Variants in ATP2C2 observed in about 807,000 individuals in gnomAD.
ATP2C2 encodes ATPase secretory pathway Ca2+ transporting 2, also known as calcium-transporting ATPase type 2C member 2.
A neutral mutation model predicts 110.8 loss-of-function variants in ATP2C2; 171 were observed. The observed-to-expected ratio is 1.54, with a 90% CI of 1.36 to 1.75. The LOEUF (loss-of-function observed/expected upper bound fraction) is 1.75. ATP2C2 is among the 40% of genes most tolerant of loss of function. The probability of loss-of-function intolerance (pLI) is 0.00; values close to 1 mark genes in which losing one functional copy is unlikely to be tolerated. For synonymous variants in ATP2C2, 804 were observed against 508.4 expected (o/e 1.58, Z -7.82); for missense variants, 1,963 against 1,235.0 (o/e 1.59, Z -8.84).
Position 84,402,146 on chromosome 16 carries a change from G to A in ATP2C2, c.211-2982G>A, listed in dbSNP as rs186855368. Among the ~76,000 whole-genome samples, 6 of 152,168 alleles carry A rather than the reference G, an allele frequency of 3.9e-5. No individual in the cohort carries two copies. The East Asian group carries it at 1.2e-3, about 29-fold the overall frequency. ...TTGCTTTCTCTTAGCATATAGCAAT[G>A]CTACTGATCTTTATCATTTGAGTTT... On this transcript the variant is annotated intron_variant, in intron 2 of 26. Transcript: ENST00000262429.
intron 16 of ATP2C2, among the ~76,000 whole-genome samples, 179 bp from the exon 17 acceptor site, chr16:84,448,354 A>G (rs755167285): frequency 6.6e-6 from 1 of 152,186 alleles, no homozygotes; most frequent in Non-Finnish European, 1.5e-5. Flanking sequence ...CGTTCCATGG[A>G]TGGATTCTAG....
At chr16:84,407,592 T>G (rs1905889172) in intron 3 of ATP2C2, 3 of 152,192 alleles carry the variant, frequency 2.0e-5, no homozygotes, top group African/African-American at 7.2e-5. Flanking sequence ...TGCCTTAGCC[T>G]TCTGAGTAGT....
rs1473627842 is a variant in ATP2C2, at chr16:84,410,710, A to G, written c.460A>G (p.Arg154Gly). The G allele has an allele frequency of 6.2e-7, 1 of 1,614,080 alleles. No homozygotes were observed. Among genetic ancestry groups the G allele is most frequent in the Admixed American group, 1.7e-5 (1 of 60,004 alleles). ...CTGATGTGCTTCCTGCCAGGAGTAC[A>G]GGTCGGAGAAATCTCTGGAAGAGCT... ...VVTVAFIQEY[R>G]SEKSLEELTK... is the part of the protein sequence containing the mutation. Residue 154 changes from arginine (R) to glycine (G), a missense_variant, in exon 6 of 27, where the codon AGG becomes GGG. Physicochemically the swap from Arg to Gly is moderately radical, Grantham distance 125 (BLOSUM62 -2). Coordinates refer to ENST00000262429, the MANE Select transcript of ATP2C2 (RefSeq NM_014861.4).
chr16:84,397,144 C>T lies in ATP2C2; in HGVS notation c.100-1355C>T, dbSNP rs529715174. ...GGAATGGTTTTGCAAAAATACCTCA[C>T]ACTTTTCCGCTTCTGAGGTCTCCTT... On this transcript the variant is annotated intron_variant, in intron 1 of 26. Coordinates refer to ENST00000262429, the MANE Select transcript of ATP2C2 (RefSeq NM_014861.4). 1.3e-3 allele frequency among the ~76,000 whole-genome samples: 198 copies of T among 151,932 alleles called. 1 individual carries two copies. The highest frequency in any genetic ancestry group is 4.6e-3 in the African/African-American group (190 of 41,232).
intron 26 of ATP2C2, 173 bp downstream of exon 26, chr16:84,462,302 G>C: frequency 1.2e-6 from 1 of 831,050 alleles, no homozygotes; most frequent in Non-Finnish European, 1.8e-6. Flanking sequence ...CTCTAACGTG[G>C]GTGATGTGAC....
chr16:84,376,763 A>G (rs1205308947), intron 1 of ATP2C2, among the ~76,000 whole-genome samples: 1 of 152,208 alleles, frequency 6.6e-6, no homozygotes, highest in Non-Finnish European at 1.5e-5. Flanking sequence ...AAATTTCCAC[A>G]TACACATTCA....
At position 84,445,422 on chromosome 16, in the gene ATP2C2, A is replaced by G. The variant is rs540777549; in HGVS notation, c.1402-907A>G. ...ACAGGGTTTCACCATGTTAGTCAGGATGGTCTTGATCTCCTCACCCCGTGA... is the reference window on the plus strand; with the variant it reads ...ACAGGGTTTCACCATGTTAGTCAGGGTGGTCTTGATCTCCTCACCCCGTGA... On this transcript the variant is annotated intron_variant, in intron 15 of 26. Coordinates refer to ENST00000262429, the MANE Select transcript of ATP2C2 (RefSeq NM_014861.4). Among the ~76,000 whole-genome samples the G allele has an allele frequency of 2.4e-4, 37 of 151,916 alleles. No homozygotes were observed. The South Asian group carries it at 5.0e-3, about 20-fold the overall frequency.
At chr16:84,405,293 G>C in intron 3 of ATP2C2, 49 bp downstream of exon 3, 2 of 1,484,254 alleles carry the variant, frequency 1.3e-6, no homozygotes, top group Non-Finnish European at 1.9e-6. Flanking sequence ...AAGCCAGCGA[G>C]GGTGGGGCAG....
Position 84,368,554 on chromosome 16 carries a change from C to G in ATP2C2, c.-62C>G. 7.5e-7 allele frequency: 1 copy of G among 1,330,536 alleles called. No individual in the cohort carries two copies. 82.4% of individuals were successfully genotyped at this position (1,330,536 alleles called of 1,614,324 possible). ...GTCCGGCCCAGGAGGCTTGGGCGCG[C>G]GCAGCCATCCCGGGCCTCGCCGGGG... On this transcript the variant is annotated 5_prime_UTR_variant, in exon 1 of 27. Coordinates refer to ENST00000262429, the MANE Select transcript of ATP2C2 (RefSeq NM_014861.4).
chr16:84,461,370 G>A (rs1864076560), intron 24 of ATP2C2: 2 of 422,880 alleles, frequency 4.7e-6, no homozygotes, highest in Admixed American at 4.0e-5. Context: ...ACTACTGACG[G>A]CCATCCTTCA....
intron 17 of ATP2C2, among the ~76,000 whole-genome samples, chr16:84,449,219 A>G (rs1910032916): frequency 6.6e-6 from 1 of 152,200 alleles, no homozygotes; most frequent in Non-Finnish European, 1.5e-5. Flanking sequence ...GGAAAGTGAG[A>G]GGCTTTGGGT....
intron 1 of ATP2C2, 63 bp downstream of exon 1, chr16:84,368,777 G>A (rs906834921): frequency 7.5e-7 from 1 of 1,339,188 alleles, no homozygotes; most frequent in South Asian, 1.4e-5. Context: ...CGTCGTAACC[G>A]TCCCCGGCCC....
At position 84,460,786 on chromosome 16, in the gene ATP2C2, T is replaced by C; in HGVS notation, c.2466T>C (p.Phe822=). Residue 822 remains phenylalanine (F), a synonymous_variant, in exon 24 of 27, where the codon TTT becomes TTC. Transcript: ENST00000262429. ...CCATCATCATCAGCGGGACCCTCTT[T>C]ATCTTCTGGAAGGAGGTGAGCGAGG... ...SAAIIISGTL[F]IFWKEMPEDR... is the part of the protein sequence containing the mutation. The C allele has an allele frequency of 6.2e-7, 1 of 1,613,278 alleles. No individual in the cohort carries two copies. The highest frequency in any genetic ancestry group is 8.5e-7 in the Non-Finnish European group (1 of 1,179,338).
At chr16:84,439,578 C>T (rs1597838489) in intron 13 of ATP2C2, 54 bp downstream of exon 13, 2 of 1,514,734 alleles carry the variant, frequency 1.3e-6, no homozygotes, top group East Asian at 4.5e-5. Context: ...CAGGCTGTCT[C>T]CTTTCTAAAC....
At chr16:84,439,727 C>A (rs557940586) in intron 13 of ATP2C2, among the ~76,000 whole-genome samples, 20 of 152,256 alleles carry the variant, frequency 1.3e-4, no homozygotes, top group Admixed American at 6.5e-4. Context: ...TTAAGGTAGC[C>A]TCCTTTTTTA....
intron 1 of ATP2C2, among the ~76,000 whole-genome samples, chr16:84,372,980 C>T (rs577548113): frequency 1.3e-5 from 2 of 151,402 alleles, no homozygotes; most frequent in East Asian, 2.0e-4. Flanking sequence ...ATTAGCCAGG[C>T]GAGGTGGCAG....
intron 1 of ATP2C2, among the ~76,000 whole-genome samples, chr16:84,387,350 G>C (rs983587474): frequency 6.6e-6 from 1 of 152,024 alleles, no homozygotes; most frequent in Non-Finnish European, 1.5e-5. Context: ...GGTGAAACCC[G>C]TCTCTACAAA....
chr16:84,379,597 G>A (rs953269265), intron 1 of ATP2C2, among the ~76,000 whole-genome samples: 8 of 152,172 alleles, frequency 5.3e-5, no homozygotes, highest in Admixed American at 1.3e-4. Flanking sequence ...AACTCTGGGC[G>A]GGGTCCCAGC....
intron 23 of ATP2C2, 122 bp from the exon 24 acceptor site, chr16:84,460,532 A>G (rs746443066): frequency 7.1e-7 from 1 of 1,408,996 alleles, no homozygotes; most frequent in Non-Finnish European, 1.0e-6. Flanking sequence ...GGGGGCGTTC[A>G]GCAAATGCCT....
Sources: allele counts gnomAD v4.1 joint callset (sites outside exome capture counted in the v4.1 genomes callset), GRCh38; gene constraint gnomAD v4.1.1; transcripts MANE v1.5; gene names NCBI Gene and HGNC (gene_info 2026-07-23, HGNC 2026-07-21).